Variants in OR7C1 observed in about 807,000 individuals in gnomAD.
OR7C1 encodes olfactory receptor 7C1.
For synonymous variants in OR7C1, 152 were observed against 160.7 expected (o/e 0.95, Z 0.41); for missense variants, 324 against 383.3 (o/e 0.85, Z 1.29).
intron 1 of OR7C1, among the ~76,000 whole-genome samples, chr19:14,813,336 CAAGGTCAGGAGATT>C (rs2044700137): frequency 6.6e-6 from 1 of 152,034 alleles, no homozygotes; most frequent in Non-Finnish European, 1.5e-5. Context: ...GGGCGGATCA[CAAGGTCAGGAGATT>C]GAGACCATCC....
At chr19:14,831,184 T>A (rs8109791) in intron 1 of OR7C1, among the ~76,000 whole-genome samples, 1 of 151,990 alleles carries the variant, frequency 6.6e-6, no homozygotes, top group Non-Finnish European at 1.5e-5. Context: ...TAATGATACC[T>A]TTTTTGGCAA....
chr19:14,834,398 T>C lies in OR7C1; in HGVS notation c.-623+676A>G, dbSNP rs1199361369. 4.6e-5 allele frequency among the ~76,000 whole-genome samples: 7 copies of C among 152,200 alleles called. 1 individual carries two copies. The highest frequency in any genetic ancestry group is 2.0e-4 in the Admixed American group (3 of 15,274). Reference sequence around the variant, plus strand: ...TTCTGGGCTAGATCACTCTCTTTGATAAAGTCTATCCTATACACTGTGAGT... The same window carrying C: ...TTCTGGGCTAGATCACTCTCTTTGACAAAGTCTATCCTATACACTGTGAGT... On this transcript the variant is annotated intron_variant, in intron 1 of 4. Coordinates refer to ENST00000641666, the Ensembl canonical transcript of OR7C1.
At chr19:14,828,068 G>T in intron 1 of OR7C1, 1 of 1,614,202 alleles carries the variant, frequency 6.2e-7, no homozygotes. Flanking sequence ...AGAAGTACAT[G>T]GGGGTGTGGA....
intron 1 of OR7C1, among the ~76,000 whole-genome samples, 199 bp from the exon 2 acceptor site, chr19:14,810,192 T>C (rs1384905799): frequency 1.3e-5 from 2 of 151,842 alleles, no homozygotes; most frequent in Non-Finnish European, 2.9e-5. Flanking sequence ...TTCCTTTCTA[T>C]TCGATGGTTT....
At chr19:14,805,835 A>G (rs1270381959) in intron 2 of OR7C1, among the ~76,000 whole-genome samples, 4 of 151,974 alleles carry the variant, frequency 2.6e-5, no homozygotes. Context: ...TTTAAGTCAC[A>G]AACTTTGAGA....
chr19:14,801,034 T>C (rs1171218558), intron 2 of OR7C1, among the ~76,000 whole-genome samples: 1 of 152,160 alleles, frequency 6.6e-6, no homozygotes, highest in East Asian at 1.9e-4. Flanking sequence ...GTGTCCGTGT[T>C]CTAAATTTTC....
At chr19:14,827,897 C>A (rs1392834147) in intron 1 of OR7C1, 5 of 1,614,020 alleles carry the variant, frequency 3.1e-6, no homozygotes, top group Non-Finnish European at 4.2e-6. Context: ...CCATCACGGA[C>A]AGGAGGAAGT....
rs1486364086 is a variant in OR7C1, at chr19:14,799,608, AGT to A, written c.527_528del (p.His176LeufsTer4). The A allele has an allele frequency of 5.6e-6, 9 of 1,614,010 alleles. No individual in the cohort carries two copies. The highest frequency in any genetic ancestry group is 1.1e-5 in the South Asian group (1 of 91,090). On this transcript the variant is annotated frameshift_variant, in exon 5 of 5. Coordinates refer to ENST00000641666, the Ensembl canonical transcript of OR7C1. LOFTEE classifies it low-confidence loss of function (END_TRUNC). ...AGGACTTCAAGTAGATCACAAAAAAAGTGTGGAATTTCCATTTCGGTGCAGAA... is the reference window on the plus strand; with the variant it reads ...AGGACTTCAAGTAGATCACAAAAAAAGTGGAATTTCCATTTCGGTGCAGAA...
intron 2 of OR7C1, among the ~76,000 whole-genome samples, chr19:14,803,323 A>G (rs1025513614): frequency 2.0e-5 from 3 of 151,332 alleles, no homozygotes; most frequent in East Asian, 1.9e-4. Flanking sequence ...AAAAAAAAAA[A>G]AAAGAAAAGA....
intron 1 of OR7C1, chr19:14,824,162 G>T (rs2044754243): frequency 6.6e-6 from 1 of 152,158 alleles, no homozygotes; most frequent in South Asian, 2.1e-4. Context: ...ATTTAGCTCT[G>T]GGAGTTGATG....
chr19:14,806,010 A>T (rs935476693), intron 2 of OR7C1, among the ~76,000 whole-genome samples: 1 of 151,760 alleles, frequency 6.6e-6, no homozygotes, highest in Non-Finnish European at 1.5e-5. Context: ...AATGTTAATA[A>T]TACAGAAAAT....
At chr19:14,827,259 C>T (rs919173153) in intron 1 of OR7C1, 25 of 1,510,714 alleles carry the variant, frequency 1.7e-5, no homozygotes, top group Non-Finnish European at 2.2e-5. Context: ...CAGTTACTAC[C>T]TCTGAAGCTT....
chr19:14,819,149 A>AT (rs753008043), intron 1 of OR7C1, among the ~76,000 whole-genome samples: 23 of 141,680 alleles, frequency 1.6e-4, no homozygotes, highest in Admixed American at 4.4e-4. Context: ...AATCAGATCT[A>AT]TTTTTTTTAA....
chr19:14,819,721 C>T lies in OR7C1; in HGVS notation c.-622-9728G>A, dbSNP rs1249012642. Among the ~76,000 whole-genome samples, 5 of 152,158 alleles carry T rather than the reference C, an allele frequency of 3.3e-5. No homozygotes were observed. In the East Asian group the frequency reaches 7.7e-4, roughly 23 times the overall value. On this transcript the variant is annotated intron_variant, in intron 1 of 4. Coordinates refer to ENST00000641666, the Ensembl canonical transcript of OR7C1. ...CATGTAAGCATATTTTAATCCATTT[C>T]AGTTTGTATAAGATGAAATCATAAC...
At chr19:14,828,758 C>CAAAAAAAAAAA (rs58983718) in intron 1 of OR7C1, among the ~76,000 whole-genome samples, 11 of 35,154 alleles carry the variant, frequency 3.1e-4, no homozygotes, top group African/African-American at 8.5e-4. Flanking sequence ...GACTCCATCT[C>CAAAAAAAAAAA]AAAAAAAAAA....
intron 1 of OR7C1, among the ~76,000 whole-genome samples, chr19:14,821,933 A>T (rs1801585701): frequency 6.6e-6 from 1 of 152,174 alleles, no homozygotes; most frequent in South Asian, 2.1e-4. Context: ...TCATTTTAAG[A>T]TTCCCCATGT....
In OR7C1 at chr19:14,809,799, T is replaced by G. The variant is rs1490293828; in HGVS notation, c.-435+7A>C. On this transcript the variant is annotated splice_region_variant and intron_variant, in intron 2 of 4. Transcript: ENST00000641666. Reference sequence around the variant, plus strand: ...TTCCCTCCACAAAACTTTCCCACAGTACTTACGGGTTTACTCTGGCTTCTC... The same window carrying G: ...TTCCCTCCACAAAACTTTCCCACAGGACTTACGGGTTTACTCTGGCTTCTC... The G allele has an allele frequency of 6.6e-6, 1 of 152,180 alleles. No homozygotes were observed. The highest frequency in any genetic ancestry group is 1.5e-5 in the Non-Finnish European group (1 of 68,220). 9.4% of individuals were successfully genotyped at this position (152,180 alleles called of 1,614,324 possible).
chr19:14,831,116 T>C (rs2044827809), intron 1 of OR7C1, among the ~76,000 whole-genome samples: 1 of 152,228 alleles, frequency 6.6e-6, no homozygotes, highest in South Asian at 2.1e-4. Flanking sequence ...ACTGTCTTGG[T>C]AAATTCTTAC....
chr19:14,828,199 G>C, intron 1 of OR7C1: 1 of 1,613,164 alleles, frequency 6.2e-7, no homozygotes, highest in African/African-American at 1.3e-5. Context: ...GAAAATCCCA[G>C]AAGAAGAAAT....
Sources: gnomAD v4.1 joint callset for allele counts (sites outside exome capture counted in the v4.1 genomes callset) on GRCh38, gnomAD v4.1.1 for gene constraint, MANE v1.5 for transcripts, NCBI Gene and HGNC (gene_info 2026-07-23, HGNC 2026-07-21) for gene names.